FNIP1: variants seen among roughly 807,000 people sequenced by gnomAD.
FNIP1 encodes folliculin-interacting protein 1.
Under a neutral mutation model 124.5 loss-of-function variants are expected in FNIP1, and 40 were observed. That is an observed-to-expected ratio of 0.32 (90% CI 0.25 to 0.42). The LOEUF (loss-of-function observed/expected upper bound fraction) is 0.42. Ranked by LOEUF, FNIP1 falls within the 10% of genes least tolerant of loss-of-function variation. The probability of loss-of-function intolerance (pLI) is 1.00; values close to 1 mark genes in which losing one functional copy is unlikely to be tolerated. For missense variants in FNIP1, 1,176 were observed against 1,403.7 expected (o/e 0.84, Z 2.59); for synonymous variants, 472 against 470.6 (o/e 1.00, Z -0.04).
At chr5:131,742,924 C>T (rs1770558367) in intron 2 of FNIP1, among the ~76,000 whole-genome samples, 2 of 152,088 alleles carry the variant, frequency 1.3e-5, no homozygotes, top group African/African-American at 4.8e-5. Context: ...TACAATCGAT[C>T]AAAATGTGTC....
intron 1 of FNIP1, among the ~76,000 whole-genome samples, chr5:131,772,822 T>C (rs1352100246): frequency 2.0e-5 from 3 of 152,214 alleles, no homozygotes; most frequent in Non-Finnish European, 2.9e-5. Flanking sequence ...AGTGCTTCAC[T>C]GGCCTCTGCT....
At chr5:131,753,587 G>A (rs1770951850) in intron 1 of FNIP1, among the ~76,000 whole-genome samples, 1 of 152,190 alleles carries the variant, frequency 6.6e-6, no homozygotes, top group Non-Finnish European at 1.5e-5. Flanking sequence ...CAGGGATAGG[G>A]AGTGAGGGAA....
At chr5:131,708,318 G>A (rs1219836118) in intron 8 of FNIP1, among the ~76,000 whole-genome samples, 6 of 152,118 alleles carry the variant, frequency 3.9e-5, no homozygotes, top group African/African-American at 1.2e-4. Context: ...AAACAATTTC[G>A]ATAGCAGAGC....
chr5:131,750,019 T>G (rs1580808999), intron 1 of FNIP1, among the ~76,000 whole-genome samples: 1 of 152,236 alleles, frequency 6.6e-6, no homozygotes, highest in East Asian at 1.9e-4. Context: ...CAGGCAATGC[T>G]GTACATCTAC....
intron 1 of FNIP1, among the ~76,000 whole-genome samples, chr5:131,752,785 C>T (rs190858349): frequency 1.1e-3 from 168 of 152,044 alleles, no homozygotes; most frequent in Non-Finnish European, 1.6e-3. Context: ...AACATGGCCA[C>T]GGCCGGGCGC....
chr5:131,779,969 G>T (rs1023647306), intron 1 of FNIP1, among the ~76,000 whole-genome samples: 5 of 151,824 alleles, frequency 3.3e-5, no homozygotes, highest in African/African-American at 1.2e-4. Flanking sequence ...GGAGGCCAAG[G>T]TGAGTGGATC....
intron 1 of FNIP1, among the ~76,000 whole-genome samples, chr5:131,783,931 T>C (rs544124960): frequency 2.8e-4 from 42 of 150,516 alleles, no homozygotes; most frequent in African/African-American, 1.0e-3. Flanking sequence ...CCTGGATAGA[T>C]ATGGTCCACT....
At chr5:131,700,844 C>T (rs1378070418) in intron 10 of FNIP1, among the ~76,000 whole-genome samples, 1 of 152,084 alleles carries the variant, frequency 6.6e-6, no homozygotes, top group Non-Finnish European at 1.5e-5. Context: ...CATTAAGTAA[C>T]TACTATAGAA....
Position 131,647,089 on chromosome 5 carries a change from CCCCAGAACCACT to C in FNIP1, c.3411_3422del (p.Val1138_Gly1141del). ...AGCCAAAAAAGAAACCATTAACATACCCCAGAACCACTCCCAGCTCCTTGACATGAACACGCA... is the reference window on the plus strand; with the variant it reads ...AGCCAAAAAAGAAACCATTAACATACCCCAGCTCCTTGACATGAACACGCA... On this transcript the variant is annotated inframe_deletion and splice_region_variant, in exon 17 of 18. Coordinates refer to ENST00000510461, the MANE Select transcript of FNIP1 (RefSeq NM_133372.3). The C allele has an allele frequency of 6.2e-7, 1 of 1,613,792 alleles. No individual in the cohort carries two copies. Among genetic ancestry groups the C allele is most frequent in the Non-Finnish European group, 8.5e-7 (1 of 1,179,740 alleles).
intron 2 of FNIP1, among the ~76,000 whole-genome samples, chr5:131,736,784 CTATAA>C (rs1347204040): frequency 4.6e-5 from 7 of 152,112 alleles, no homozygotes; most frequent in Non-Finnish European, 8.8e-5. Context: ...GATTATTTGG[CTATAA>C]TATATCAATG....
intron 11 of FNIP1, among the ~76,000 whole-genome samples, chr5:131,687,410 T>G (rs1768318837): frequency 6.6e-6 from 1 of 152,188 alleles, no homozygotes. Context: ...CTGGCCCAAT[T>G]TCAGTTTTTA....
intron 12 of FNIP1, 144 bp downstream of exon 12, chr5:131,678,885 A>G (rs1767988866): frequency 1.0e-5 from 6 of 598,276 alleles, no homozygotes; most frequent in Non-Finnish European, 1.7e-5. Flanking sequence ...TCCATACCCT[A>G]TCATTTAATT....
intron 1 of FNIP1, among the ~76,000 whole-genome samples, chr5:131,780,688 G>A (rs531605519): frequency 2.0e-5 from 3 of 152,220 alleles, no homozygotes; most frequent in African/African-American, 7.2e-5. Context: ...GGGGCACCAG[G>A]AACTGTGCCC....
intron 10 of FNIP1, among the ~76,000 whole-genome samples, chr5:131,701,957 C>CA (rs138947927): frequency 0.025 from 3,873 of 152,218 alleles, 129 homozygotes; most frequent in African/African-American, 0.082. Flanking sequence ...CAGACTGTTG[C>CA]AAAAAACTCT....
intron 15 of FNIP1, among the ~76,000 whole-genome samples, chr5:131,655,707 G>A (rs899525423): frequency 6.6e-6 from 1 of 151,214 alleles, no homozygotes; most frequent in Non-Finnish European, 1.5e-5. Context: ...CTCTTTTCGA[G>A]GCCATCCTGG....
chr5:131,654,363 G>A (rs558158660), intron 15 of FNIP1, among the ~76,000 whole-genome samples: 1 of 152,214 alleles, frequency 6.6e-6, no homozygotes, highest in African/African-American at 2.4e-5. Flanking sequence ...TGAGACCAAT[G>A]GCTTTTCCTC....
intron 15 of FNIP1, among the ~76,000 whole-genome samples, chr5:131,655,140 A>G (rs1270362918): frequency 6.6e-6 from 1 of 152,226 alleles, no homozygotes; most frequent in Non-Finnish European, 1.5e-5. Context: ...CAACAATTTG[A>G]AAAACTTAGA....
chr5:131,735,037 T>G (rs1041874194), intron 2 of FNIP1, among the ~76,000 whole-genome samples: 2 of 152,130 alleles, frequency 1.3e-5, no homozygotes, highest in African/African-American at 2.4e-5. Context: ...CTACTCACAA[T>G]AGCAAAGACT....
intron 3 of FNIP1, among the ~76,000 whole-genome samples, chr5:131,730,619 T>A (rs1368238251): frequency 1.3e-5 from 2 of 152,172 alleles, no homozygotes; most frequent in Non-Finnish European, 2.9e-5. Flanking sequence ...CATTTTTCAA[T>A]AATAAAAAAG....
Sources: allele counts gnomAD v4.1 joint callset (sites outside exome capture counted in the v4.1 genomes callset), GRCh38; gene constraint gnomAD v4.1.1; transcripts MANE v1.5; gene names NCBI Gene and HGNC (gene_info 2026-07-23, HGNC 2026-07-21).